Variants in DACH2 observed in about 807,000 individuals in gnomAD.
DACH2 encodes dachshund homolog 2.
In DACH2, 17 loss-of-function variants were observed where a neutral mutation model predicts 35.8. That is an observed-to-expected ratio of 0.48 (90% CI 0.33 to 0.71). DACH2 has a LOEUF of 0.71. DACH2 is among the 30% of genes least tolerant of loss of function. DACH2 has a pLI of 0.02. For synonymous variants in DACH2, 195 were observed against 177.3 expected, an observed-to-expected ratio of 1.10 and a Z score of -0.79; for missense variants, 469 against 472.7, an observed-to-expected ratio of 0.99 and a Z score of 0.07.
intron 7 of DACH2, among the ~76,000 whole-genome samples, chrX:86,789,062 T>A (rs2042164132): frequency 1.8e-5 from 2 of 112,056 alleles, no homozygotes; most frequent in Admixed American, 9.5e-5. Context: ...CAGACAAACC[T>A]TTATTCTCAA....
intron 1 of DACH2, among the ~76,000 whole-genome samples, chrX:86,283,871 TACAC>T (rs111448832): frequency 3.8e-4 from 39 of 102,140 alleles, no homozygotes; most frequent in Non-Finnish European, 6.3e-4. Flanking sequence ...TTAAAGTATA[TACAC>T]ACACACACAC....
At chrX:86,721,194 C>T (rs539952942) in intron 6 of DACH2, among the ~76,000 whole-genome samples, 2 of 112,301 alleles carry the variant, frequency 1.8e-5, no homozygotes, top group South Asian at 7.4e-4. Flanking sequence ...TAGCATTTGG[C>T]TTCTCATTAC....
chrX:86,507,947 A>C, intron 2 of DACH2, among the ~76,000 whole-genome samples: 1 of 111,705 alleles, frequency 9.0e-6, no homozygotes, highest in Non-Finnish European at 1.9e-5. Flanking sequence ...ATGATGGAAC[A>C]AAAATATTGA....
chrX:86,811,248 A>C (rs1413822786), intron 7 of DACH2, among the ~76,000 whole-genome samples: 1 of 111,817 alleles, frequency 8.9e-6, no homozygotes, highest in South Asian at 3.7e-4. Context: ...CAGAGATAGT[A>C]CTAAATAATC....
intron 2 of DACH2, among the ~76,000 whole-genome samples, chrX:86,487,343 G>T (rs1183590798): frequency 9.0e-6 from 1 of 111,437 alleles, no homozygotes; most frequent in Non-Finnish European, 1.9e-5. Context: ...AACATTTTCT[G>T]TAATGTAAGT....
chrX:86,242,095 G>A (rs545172676), intron 1 of DACH2, among the ~76,000 whole-genome samples: 1 of 112,791 alleles, frequency 8.9e-6, no homozygotes, highest in Non-Finnish European at 1.9e-5. Flanking sequence ...CCCCAATGGG[G>A]CACTGCCTAG....
At chrX:86,677,105 A>T (rs1175890911) in intron 4 of DACH2, among the ~76,000 whole-genome samples, 1 of 112,203 alleles carries the variant, frequency 8.9e-6, no homozygotes, top group East Asian at 2.8e-4. Flanking sequence ...TGCCCAACAT[A>T]GCCATTTCTG....
intron 7 of DACH2, among the ~76,000 whole-genome samples, chrX:86,774,678 T>G (rs1183331602): frequency 2.7e-5 from 3 of 112,116 alleles, no homozygotes; most frequent in African/African-American, 9.7e-5. Context: ...CACTACAAGC[T>G]GCAAACTATA....
At chrX:86,610,921 G>T (rs1007857712) in intron 3 of DACH2, among the ~76,000 whole-genome samples, 1 of 110,908 alleles carries the variant, frequency 9.0e-6, no homozygotes, top group African/African-American at 3.3e-5. Context: ...TAGCTAAGCT[G>T]GTGACTATAG....
At chrX:86,293,788 G>T (rs1181343970) in intron 1 of DACH2, among the ~76,000 whole-genome samples, 8 of 111,726 alleles carry the variant, frequency 7.2e-5, no homozygotes, top group Non-Finnish European at 1.5e-4. Context: ...TCTGCCGAGA[G>T]ATCAGCTGTT....
intron 7 of DACH2, among the ~76,000 whole-genome samples, chrX:86,782,838 C>T (rs2042101243): frequency 9.0e-6 from 1 of 110,503 alleles, no homozygotes; most frequent in Non-Finnish European, 1.9e-5. Context: ...ATCTCCAGGA[C>T]ATTGTTCTTG....
At chrX:86,673,862 C>A (rs1454615711) in intron 4 of DACH2, among the ~76,000 whole-genome samples, 1 of 111,535 alleles carries the variant, frequency 9.0e-6, no homozygotes, top group African/African-American at 3.3e-5. Context: ...GCACCTCCCC[C>A]TTCGCTCTCT....
At chrX:86,407,890 T>C (rs1243683850) in intron 2 of DACH2, among the ~76,000 whole-genome samples, 6 of 112,342 alleles carry the variant, frequency 5.3e-5, no homozygotes, top group Non-Finnish European at 1.1e-4. Flanking sequence ...ACAACCCATT[T>C]ATTTATCAGA....
At chrX:86,159,166 AAG>A (rs1461258492) in intron 1 of DACH2, among the ~76,000 whole-genome samples, 4 of 111,533 alleles carry the variant, frequency 3.6e-5, no homozygotes, top group Non-Finnish European at 7.5e-5. Flanking sequence ...GATTTGTGTT[AAG>A]AGTTTTAAAC....
chrX:86,423,754 T>G (rs1323857671), intron 2 of DACH2, among the ~76,000 whole-genome samples: 2 of 110,910 alleles, frequency 1.8e-5, no homozygotes, highest in Non-Finnish European at 3.8e-5. Flanking sequence ...TCCTGGAGAC[T>G]TTTCCCAATG....
At chrX:86,722,180 G>T (rs938419057) in intron 6 of DACH2, among the ~76,000 whole-genome samples, 2 of 111,476 alleles carry the variant, frequency 1.8e-5, no homozygotes, top group African/African-American at 6.5e-5. Context: ...TTGTCATAAT[G>T]GTTCTCATTG....
chrX:86,719,925 C>G (rs199657674), intron 6 of DACH2, among the ~76,000 whole-genome samples: 3 of 69,200 alleles, frequency 4.3e-5, no homozygotes. Flanking sequence ...CTTTTTTTTT[C>G]TTTTTTCTTT....
At chrX:86,197,088 G>T (rs1256450006) in intron 1 of DACH2, among the ~76,000 whole-genome samples, 1 of 112,026 alleles carries the variant, frequency 8.9e-6, no homozygotes, top group African/African-American at 3.2e-5. Context: ...CAAACCAGAA[G>T]AGATTGGTTG....
At position 86,408,778 on chromosome X, in the gene DACH2, C is replaced by G. The variant is rs546688387; in HGVS notation, c.527+31916C>G. Among the ~76,000 whole-genome samples, 6 of 111,742 alleles carry G rather than the reference C, an allele frequency of 5.4e-5. No homozygotes were observed. In the South Asian group the frequency reaches 2.2e-3, roughly 41 times the overall value. ...CACCCCTTGAGTCATTAGTCACATA[C>G]ACCATATATGATTTGTGTCACAAAC... is the stretch of plus-strand genomic sequence containing the variant. On this transcript the variant is annotated intron_variant, in intron 2 of 11. Transcript: ENST00000373125.
Sources: gnomAD v4.1 joint callset for allele counts (sites outside exome capture counted in the v4.1 genomes callset) on GRCh38, gnomAD v4.1.1 for gene constraint, MANE v1.5 for transcripts, NCBI Gene and HGNC (gene_info 2026-07-23, HGNC 2026-07-21) for gene names.